USP10: variants seen among roughly 807,000 people sequenced by gnomAD.
USP10 encodes ubiquitin specific peptidase 10, also known as ubiquitin carboxyl-terminal hydrolase 10.
Under a neutral mutation model 84.5 loss-of-function variants are expected in USP10, and 22 were observed. That is an observed-to-expected ratio of 0.26 (90% confidence interval 0.19 to 0.37). The LOEUF (loss-of-function observed/expected upper bound fraction) is 0.37, where lower values mean the gene tolerates loss of function less well. Ranked by LOEUF, USP10 falls within the 10% of genes least tolerant of loss-of-function variation. The probability of loss-of-function intolerance (pLI) is 1.00; values close to 1 mark genes in which losing one functional copy is unlikely to be tolerated. For synonymous variants in USP10, 454 were observed against 387.6 expected (o/e 1.17, Z -2.01); for missense variants, 1,019 against 998.9 (o/e 1.02, Z -0.27).
At chr16:84,770,454 C>G (rs116443686) in intron 11 of USP10, among the ~76,000 whole-genome samples, 1,831 of 152,172 alleles carry the variant, frequency 0.012, 29 homozygotes, top group African/African-American at 0.041. Flanking sequence ...TAGAAAATGT[C>G]TGCCTTTGTT....
intron 1 of USP10, among the ~76,000 whole-genome samples, chr16:84,709,974 A>T (rs1456987152): frequency 6.6e-6 from 1 of 152,086 alleles, no homozygotes; most frequent in Non-Finnish European, 1.5e-5. Context: ...ACTCTGTGTT[A>T]AGATAGCTGG....
At chr16:84,735,475 G>A (rs1017817612) in intron 2 of USP10, among the ~76,000 whole-genome samples, 2 of 152,094 alleles carry the variant, frequency 1.3e-5, no homozygotes, top group African/African-American at 4.8e-5. Flanking sequence ...CACAGGCTCG[G>A]AGGGTTTGGG....
intron 1 of USP10, among the ~76,000 whole-genome samples, chr16:84,719,426 A>G (rs1249635795): frequency 1.3e-5 from 2 of 152,128 alleles, no homozygotes; most frequent in Non-Finnish European, 1.5e-5. Flanking sequence ...TCACACAGGA[A>G]GTGTTTAAAA....
At chr16:84,763,577 A>G (rs1228876424) in intron 9 of USP10, among the ~76,000 whole-genome samples, 1 of 152,272 alleles carries the variant, frequency 6.6e-6, no homozygotes, top group African/African-American at 2.4e-5. Context: ...AACAACTGTA[A>G]TGACACGGTA....
At chr16:84,763,138 C>A in intron 9 of USP10, 50 bp downstream of exon 9, 2 of 1,220,454 alleles carry the variant, frequency 1.6e-6, no homozygotes, top group Non-Finnish European at 2.4e-6. Context: ...TCGCTGTAAA[C>A]AGGTGTTGCA....
At chr16:84,724,025 A>G (rs749673726) in intron 1 of USP10, among the ~76,000 whole-genome samples, 1 of 152,174 alleles carries the variant, frequency 6.6e-6, no homozygotes, top group Admixed American at 6.6e-5. Context: ...GGAATCTTGA[A>G]CTTCTACTAG....
intron 2 of USP10, 109 bp from the exon 3 acceptor site, chr16:84,740,200 C>G: frequency 1.1e-6 from 1 of 940,892 alleles, no homozygotes; most frequent in East Asian, 2.6e-5. Flanking sequence ...TAACGGCATG[C>G]AAAGTTGTAT....
In USP10 at chr16:84,779,325, A is replaced by G. The variant is rs951771974; in HGVS notation, c.*243A>G. On this transcript the variant is annotated 3_prime_UTR_variant, in exon 14 of 14. Transcript: ENST00000219473. ...GCTTGATTTTAGAAAATACACAAAA[A>G]CCCATATTTCTGAAATAATGCTGAT... The G allele has an allele frequency of 1.4e-5, 5 of 366,758 alleles. No homozygotes were observed. Among genetic ancestry groups the G allele is most frequent in the African/African-American group, 4.2e-5 (2 of 47,816 alleles). 22.7% of individuals were successfully genotyped at this position (366,758 alleles called of 1,614,324 possible). A position where few individuals can be genotyped will look rare whatever the true frequency, so the allele number is the denominator to read the frequency against.
chr16:84,761,575 A>C (rs1463464635), intron 8 of USP10, among the ~76,000 whole-genome samples: 1 of 152,230 alleles, frequency 6.6e-6, no homozygotes, highest in African/African-American at 2.4e-5. Flanking sequence ...CCAGACTGTG[A>C]CCACACGTGA....
At chr16:84,724,136 A>G (rs1039379630) in intron 1 of USP10, among the ~76,000 whole-genome samples, 1 of 152,244 alleles carries the variant, frequency 6.6e-6, no homozygotes, top group African/African-American at 2.4e-5. Context: ...AATGAGGGCT[A>G]TCTATATTAC....
chr16:84,714,991 C>G (rs1174816228), intron 1 of USP10, among the ~76,000 whole-genome samples: 1 of 150,108 alleles, frequency 6.7e-6, no homozygotes, highest in African/African-American at 2.5e-5. Flanking sequence ...GTGCAGTTCG[C>G]AGTCTCGGCT....
intron 1 of USP10, among the ~76,000 whole-genome samples, chr16:84,716,792 A>G (rs1356163433): frequency 6.6e-6 from 1 of 152,200 alleles, no homozygotes; most frequent in Non-Finnish European, 1.5e-5. Context: ...CTACCTTTAT[A>G]TACACCTTAC....
chr16:84,738,317 G>A (rs1178363219), intron 2 of USP10, among the ~76,000 whole-genome samples: 2 of 152,174 alleles, frequency 1.3e-5, no homozygotes, highest in Non-Finnish European at 2.9e-5. Flanking sequence ...TGTAAAAATA[G>A]AGTGATTCAA....
chr16:84,721,308 C>A (rs562886542), intron 1 of USP10, among the ~76,000 whole-genome samples: 8 of 152,302 alleles, frequency 5.3e-5, no homozygotes, highest in East Asian at 1.9e-4. Context: ...CTGAAGAATT[C>A]TTCTTCCGTA....
rs111892662 is a variant in USP10, at chr16:84,726,351, T to C, written c.22-7084T>C. ...ACATCTTTTCTCCTTCTCGCCTTCC[T>C]TGGGCTGAGATGGAGGAATGTGTCT... On this transcript the variant is annotated intron_variant, in intron 1 of 13. Coordinates refer to ENST00000219473, the MANE Select transcript of USP10 (RefSeq NM_005153.3). Among the ~76,000 whole-genome samples the C allele has an allele frequency of 2.0e-3, 310 of 152,358 alleles. 3 individuals carry two copies. The highest frequency in any genetic ancestry group is 3.9e-3 in the Admixed American group (59 of 15,310).
rs1567648341 is a variant in USP10, at chr16:84,768,393, A to T, written c.1998+35A>T. 6 of 1,514,922 alleles carry T rather than the reference A, an allele frequency of 4.0e-6. No homozygotes were observed. The South Asian group carries it at 7.9e-5, about 20-fold the overall frequency. 93.8% of individuals were successfully genotyped at this position (1,514,922 alleles called of 1,614,324 possible). ...CACTTGATTTTGAACCTTTCTACTA[A>T]GGTGCTCTGGTTTGGTGGAAAGAAC... is the stretch of plus-strand genomic sequence containing the variant. On this transcript the variant is annotated intron_variant, in intron 11 of 13. Transcript: ENST00000219473.
intron 4 of USP10, among the ~76,000 whole-genome samples, chr16:84,751,687 G>T (rs746380853): frequency 7.2e-5 from 11 of 152,152 alleles, no homozygotes; most frequent in Admixed American, 6.5e-5. Flanking sequence ...CAAATTGATG[G>T]TAATGAGGAA....
At chr16:84,716,762 CAA>C (rs1907071734) in intron 1 of USP10, among the ~76,000 whole-genome samples, 1 of 152,136 alleles carries the variant, frequency 6.6e-6, no homozygotes, top group Admixed American at 6.5e-5. Flanking sequence ...CCCATTACAC[CAA>C]GTTGAAGAGT....
chr16:84,744,503 A>G, intron 3 of USP10, 130 bp from the exon 4 acceptor site: 3 of 798,070 alleles, frequency 3.8e-6, no homozygotes, highest in African/African-American at 1.7e-5. Flanking sequence ...CAGCGTAAGT[A>G]AAGGACGTAA....
Sources: gnomAD v4.1 joint callset for allele counts (sites outside exome capture counted in the v4.1 genomes callset) on GRCh38, gnomAD v4.1.1 for gene constraint, MANE v1.5 for transcripts, NCBI Gene and HGNC (gene_info 2026-07-23, HGNC 2026-07-21) for gene names.